Variants in SLC24A4 observed in about 807,000 individuals in gnomAD.
SLC24A4 encodes the protein solute carrier family 24 member 4.
Under a neutral mutation model 79.0 loss-of-function variants are expected in SLC24A4, and 53 were observed. That is an observed-to-expected ratio of 0.67 (90% CI 0.54 to 0.84). The LOEUF is 0.84. SLC24A4 is among the 40% of genes least tolerant of loss of function. The pLI, the probability that SLC24A4 is intolerant of heterozygous loss-of-function variation, is 0.00. For synonymous variants in SLC24A4, 323 were observed against 323.8 expected (o/e 1.00, Z 0.03); for missense variants, 731 against 822.0 (o/e 0.89, Z 1.35).
chr14:92,427,393 A>G (rs1891621559), intron 2 of SLC24A4, among the ~76,000 whole-genome samples: 1 of 152,260 alleles, frequency 6.6e-6, no homozygotes, highest in Non-Finnish European at 1.5e-5. Flanking sequence ...TGAGGCTGGA[A>G]GGGTTGGCAG....
intron 2 of SLC24A4, among the ~76,000 whole-genome samples, chr14:92,349,338 T>C (rs1886734445): frequency 6.6e-6 from 1 of 152,172 alleles, no homozygotes; most frequent in Admixed American, 6.5e-5. Context: ...TTTTGTATTT[T>C]CAATAGAGAC....
chr14:92,356,859 T>A (rs572767152), intron 2 of SLC24A4, among the ~76,000 whole-genome samples: 1 of 152,206 alleles, frequency 6.6e-6, no homozygotes, highest in South Asian at 2.1e-4. Context: ...TCCCTGAGGA[T>A]CTAACACTAA....
At chr14:92,343,458 G>A (rs1207697578) in intron 2 of SLC24A4, among the ~76,000 whole-genome samples, 1 of 152,138 alleles carries the variant, frequency 6.6e-6, no homozygotes, top group African/African-American at 2.4e-5. Flanking sequence ...AATCCTTAAA[G>A]CCAGATTTTT....
intron 2 of SLC24A4, among the ~76,000 whole-genome samples, chr14:92,406,575 T>G (rs113182606): frequency 1.8e-4 from 28 of 152,314 alleles, no homozygotes; most frequent in African/African-American, 5.5e-4. Context: ...TCAACTCTTG[T>G]CTTCTGCACA....
chr14:92,484,140 C>T (rs1429271180), intron 13 of SLC24A4: 4 of 985,278 alleles, frequency 4.1e-6, no homozygotes, highest in Non-Finnish European at 4.8e-6. Context: ...TTGGCCAATC[C>T]TGTCTCTTCC....
At chr14:92,470,497 G>T (rs1408658980) in intron 12 of SLC24A4, among the ~76,000 whole-genome samples, 1 of 152,100 alleles carries the variant, frequency 6.6e-6, no homozygotes, top group Admixed American at 6.5e-5. Context: ...AGTCTGATTA[G>T]CCATCTGTTT....
rs113798623 is a variant in SLC24A4 at position 92,453,777 on chromosome 14, T to C, written c.881-123T>C. ...GAAGCCAGGCATCCAGACTTCCCGG[T>C]GGCTGCCAGCTGCCAGGACCACAGC... On this transcript the variant is annotated intron_variant, in intron 10 of 16. Coordinates refer to ENST00000532405, the MANE Select transcript of SLC24A4 (RefSeq NM_153646.4). The C allele has an allele frequency of 1.2e-3, 1,271 of 1,086,532 alleles. 9 individuals carry two copies. In the African/African-American group the frequency reaches 0.016, roughly 14 times the overall value. 67.3% of individuals were successfully genotyped at this position (1,086,532 alleles called of 1,614,324 possible).
At chr14:92,476,075 G>A (rs1894747193) in intron 12 of SLC24A4, among the ~76,000 whole-genome samples, 1 of 152,204 alleles carries the variant, frequency 6.6e-6, no homozygotes, top group African/African-American at 2.4e-5. Context: ...ACCTCATGCA[G>A]TTTGGTGTCT....
At chr14:92,399,207 C>T (rs575134545) in intron 2 of SLC24A4, among the ~76,000 whole-genome samples, 16 of 152,284 alleles carry the variant, frequency 1.1e-4, no homozygotes, top group Admixed American at 3.3e-4. Flanking sequence ...TTGTTAATTT[C>T]ATGCACACCG....
At chr14:92,342,961 C>G (rs1473198782) in intron 2 of SLC24A4, among the ~76,000 whole-genome samples, 1 of 152,186 alleles carries the variant, frequency 6.6e-6, no homozygotes, top group African/African-American at 2.4e-5. Context: ...CAGGGTCCCA[C>G]AAGGGCGAAT....
chr14:92,491,306 G>A (rs553762982), intron 14 of SLC24A4, among the ~76,000 whole-genome samples: 2 of 152,180 alleles, frequency 1.3e-5, no homozygotes, highest in African/African-American at 4.8e-5. Context: ...CTGAACACTG[G>A]CATGAGTTTA....
At chr14:92,434,925 T>C (rs1451442717) in intron 3 of SLC24A4, among the ~76,000 whole-genome samples, 2 of 152,110 alleles carry the variant, frequency 1.3e-5, no homozygotes, top group African/African-American at 4.8e-5. Flanking sequence ...AGGCATGTGC[T>C]GCCACACCCA....
At chr14:92,450,917 C>T (rs1313485080) in intron 10 of SLC24A4, 2 of 152,338 alleles carry the variant, frequency 1.3e-5, no homozygotes, top group Non-Finnish European at 2.9e-5. Context: ...AACCCAGGCT[C>T]CCAGAGGCCC....
rs1049507291 is a variant in SLC24A4 at position 92,381,094 on chromosome 14, G to A, written c.242-52818G>A. Among the ~76,000 whole-genome samples the A allele has an allele frequency of 4.7e-4, 71 of 152,236 alleles. 1 individual carries two copies. Among genetic ancestry groups the A allele is most frequent in the East Asian group, 7.7e-4 (4 of 5,184 alleles). On this transcript the variant is annotated intron_variant, in intron 2 of 16. Transcript: ENST00000532405. ...TCCCATTACTAGGTATATGCCAAAA[G>A]GATTATAAATCATTCTGCTATAAAG...
intron 7 of SLC24A4, among the ~76,000 whole-genome samples, chr14:92,444,636 C>T (rs1172909353): frequency 3.3e-5 from 5 of 152,200 alleles, no homozygotes; most frequent in African/African-American, 2.4e-5. Context: ...GGGCTGATCA[C>T]TTGAGGTCAA....
At chr14:92,341,565 C>T (rs1016713772) in intron 2 of SLC24A4, among the ~76,000 whole-genome samples, 5 of 152,194 alleles carry the variant, frequency 3.3e-5, no homozygotes, top group Non-Finnish European at 7.3e-5. Flanking sequence ...AACAAGAGCA[C>T]TTGAGATGGT....
intron 2 of SLC24A4, among the ~76,000 whole-genome samples, chr14:92,431,006 GGA>G (rs1566761037): frequency 5.3e-5 from 8 of 152,200 alleles, no homozygotes; most frequent in Non-Finnish European, 1.2e-4. Flanking sequence ...GAAGCCCATG[GGA>G]GGAGAAGGAA....
At chr14:92,327,718 T>G (rs928384507) in intron 2 of SLC24A4, among the ~76,000 whole-genome samples, 5 of 152,204 alleles carry the variant, frequency 3.3e-5, no homozygotes, top group African/African-American at 1.2e-4. Context: ...AGAGTTCTCC[T>G]TTGCCCCGCT....
intron 2 of SLC24A4, among the ~76,000 whole-genome samples, chr14:92,334,679 G>A (rs891462824): frequency 6.6e-6 from 1 of 152,126 alleles, no homozygotes; most frequent in Non-Finnish European, 1.5e-5. Flanking sequence ...CAGACGTGAG[G>A]GTTTGAGTCC....
Sources: allele counts gnomAD v4.1 joint callset (sites outside exome capture counted in the v4.1 genomes callset), GRCh38; gene constraint gnomAD v4.1.1; transcripts MANE v1.5; gene names NCBI Gene and HGNC (gene_info 2026-07-23, HGNC 2026-07-21).